The following TSHZ2 variants were observed in gnomAD, a reference collection of about 807,000 sequenced individuals.
TSHZ2 encodes teashirt homolog 2.
In TSHZ2, 21 loss-of-function variants were observed where a neutral mutation model predicts 74.4. The observed-to-expected ratio is 0.28, with a 90% confidence interval of 0.20 to 0.41. The LOEUF is 0.41. TSHZ2 is among the 10% of genes least tolerant of loss of function. The probability of loss-of-function intolerance (pLI) is 1.00; values close to 1 mark genes in which losing one functional copy is unlikely to be tolerated. For missense variants in TSHZ2, 1,244 were observed against 1,293.5 expected (o/e 0.96, Z 0.59); for synonymous variants, 540 against 515.3 (o/e 1.05, Z -0.65).
At chr20:53,096,210 C>T (rs1326971999) in intron 1 of TSHZ2, among the ~76,000 whole-genome samples, 1 of 152,138 alleles carries the variant, frequency 6.6e-6, no homozygotes, top group South Asian at 2.1e-4. Context: ...GCTGCAATCT[C>T]GGCTCACTGC....
chr20:53,211,577 A>G (rs1461378311), intron 1 of TSHZ2, among the ~76,000 whole-genome samples: 3 of 152,138 alleles, frequency 2.0e-5, no homozygotes, highest in African/African-American at 4.8e-5. Context: ...TATGAGCCAC[A>G]CAGTCGCTCC....
chr20:53,114,648 C>T (rs761043421), intron 1 of TSHZ2, among the ~76,000 whole-genome samples: 9 of 150,476 alleles, frequency 6.0e-5, no homozygotes, highest in South Asian at 2.2e-4. Flanking sequence ...GACCTCTTTC[C>T]GCCACTCTGG....
intron 1 of TSHZ2, among the ~76,000 whole-genome samples, chr20:53,222,072 TCTTA>T (rs1989575296): frequency 1.3e-5 from 2 of 152,148 alleles, no homozygotes; most frequent in Admixed American, 6.5e-5. Flanking sequence ...AAAAGCTAGC[TCTTA>T]CTTCTTATAA....
intron 1 of TSHZ2, among the ~76,000 whole-genome samples, chr20:53,171,308 T>A (rs1988195149): frequency 6.6e-6 from 1 of 152,262 alleles, no homozygotes; most frequent in African/African-American, 2.4e-5. Flanking sequence ...GATGTGCCGA[T>A]AACAATGTCT....
chr20:53,480,612 T>G (rs536064903), intron 2 of TSHZ2, among the ~76,000 whole-genome samples: 27 of 151,716 alleles, frequency 1.8e-4, no homozygotes, highest in Non-Finnish European at 4.0e-4. Flanking sequence ...TGCAGGATGA[T>G]GGACAACAGC....
At chr20:53,351,235 A>ATT (rs994156596) in intron 2 of TSHZ2, among the ~76,000 whole-genome samples, 1 of 151,742 alleles carries the variant, frequency 6.6e-6, no homozygotes, top group African/African-American at 2.4e-5. Context: ...GAGTGAATAG[A>ATT]TTTTTTTTTC....
At chr20:53,267,927 T>A (rs1374704065) in intron 2 of TSHZ2, among the ~76,000 whole-genome samples, 2 of 152,190 alleles carry the variant, frequency 1.3e-5, no homozygotes, top group African/African-American at 2.4e-5. Flanking sequence ...CTAGTGATTG[T>A]CCAAGGTCAC....
chr20:53,015,810 T>G (rs528719623), intron 1 of TSHZ2, among the ~76,000 whole-genome samples: 19 of 152,058 alleles, frequency 1.2e-4, no homozygotes, highest in African/African-American at 4.1e-4. Flanking sequence ...GGGTGAGAAG[T>G]GGGGGAAAGG....
chr20:53,305,094 C>T, intron 2 of TSHZ2, among the ~76,000 whole-genome samples: 1 of 151,600 alleles, frequency 6.6e-6, no homozygotes, highest in East Asian at 1.9e-4. Context: ...CTCCACCACG[C>T]CTGACTAATT....
At chr20:53,035,293 A>T (rs1983778416) in intron 1 of TSHZ2, among the ~76,000 whole-genome samples, 1 of 152,186 alleles carries the variant, frequency 6.6e-6, no homozygotes, top group Non-Finnish European at 1.5e-5. Flanking sequence ...GGGATCAGGA[A>T]CCTCACCTCT....
Position 53,226,115 on chromosome 20 carries a change from AT to A in TSHZ2, c.41-27381del, listed in dbSNP as rs554099769. On this transcript the variant is annotated intron_variant, in intron 1 of 2. Transcript: ENST00000371497. ...TTAAAGAAGATGGCTCACAGACTAA[AT>A]TTAACACACACACACACACACACAC... Among the ~76,000 whole-genome samples the A allele has an allele frequency of 2.6e-4, 37 of 142,464 alleles. No homozygotes were observed. In the East Asian group the frequency reaches 6.5e-3, roughly 25 times the overall value. 93.5% of individuals were successfully genotyped at this position (142,464 alleles called of 152,430 possible). A position where few individuals can be genotyped will look rare whatever the true frequency, so the allele number is the denominator to read the frequency against.
intron 2 of TSHZ2, chr20:53,401,160 T>C (rs1982645459): frequency 6.6e-6 from 1 of 152,116 alleles, no homozygotes; most frequent in Non-Finnish European, 1.5e-5. Context: ...GGTGCTCTGT[T>C]TGGGGACACT....
intron 2 of TSHZ2, among the ~76,000 whole-genome samples, chr20:53,284,253 C>A (rs1220606553): frequency 3.9e-5 from 6 of 152,206 alleles, no homozygotes; most frequent in African/African-American, 7.2e-5. Context: ...CTTTTTCAAT[C>A]TAATGAACTC....
At chr20:53,016,863 C>T (rs962957582) in intron 1 of TSHZ2, among the ~76,000 whole-genome samples, 2 of 152,118 alleles carry the variant, frequency 1.3e-5, no homozygotes, top group African/African-American at 4.8e-5. Context: ...ATACACAACC[C>T]CCAAATCACA....
rs182869282 is a variant in TSHZ2 at position 53,086,341 on chromosome 20, T to A, written c.40+113008T>A. On this transcript the variant is annotated intron_variant, in intron 1 of 2. Coordinates refer to ENST00000371497, the MANE Select transcript of TSHZ2 (RefSeq NM_173485.6). ...TGCACCTTCCTTCAGACTTTCCTTC[T>A]CTCAAGATCGCCATATCTCCATTCA... Among the ~76,000 whole-genome samples the A allele has an allele frequency of 1.9e-3, 293 of 152,116 alleles. 4 individuals are homozygous for A. The highest frequency in any genetic ancestry group is 4.7e-4 in the Non-Finnish European group (32 of 68,002).
At chr20:53,261,562 C>T (rs538807473) in intron 2 of TSHZ2, among the ~76,000 whole-genome samples, 1 of 152,280 alleles carries the variant, frequency 6.6e-6, no homozygotes, top group Non-Finnish European at 1.5e-5. Flanking sequence ...CATCGTCTTC[C>T]TTAACGTTTG....
At chr20:53,466,869 A>G (rs1833301983) in intron 2 of TSHZ2, among the ~76,000 whole-genome samples, 1 of 152,176 alleles carries the variant, frequency 6.6e-6, no homozygotes, top group Non-Finnish European at 1.5e-5. Flanking sequence ...ATCATTTTGC[A>G]TTATATAGCT....
chr20:53,283,343 G>C (rs1378190435), intron 2 of TSHZ2, among the ~76,000 whole-genome samples: 1 of 152,126 alleles, frequency 6.6e-6, no homozygotes, highest in South Asian at 2.1e-4. Context: ...TACTATGTCC[G>C]AGGCACTCTT....
At chr20:53,144,553 C>T (rs1987491256) in intron 1 of TSHZ2, among the ~76,000 whole-genome samples, 1 of 152,132 alleles carries the variant, frequency 6.6e-6, no homozygotes, top group African/African-American at 2.4e-5. Context: ...ATGGTTTAAT[C>T]ACTGTATATG....
Sources: gnomAD v4.1 joint callset for allele counts (sites outside exome capture counted in the v4.1 genomes callset) on GRCh38, gnomAD v4.1.1 for gene constraint, MANE v1.5 for transcripts, NCBI Gene and HGNC (gene_info 2026-07-23, HGNC 2026-07-21) for gene names.